CPED1: variants seen among roughly 807,000 people sequenced by gnomAD.
CPED1 encodes cadherin like and PC-esterase domain containing 1, also known as cadherin-like and PC-esterase domain-containing protein 1.
CPED1 carries 114 observed loss-of-function variants against 128.2 expected under a neutral mutation model. The ratio of observed to expected loss-of-function variants is 0.89; its 90% CI spans 0.76 to 1.04. The LOEUF (loss-of-function observed/expected upper bound fraction) is 1.04. Among genes scored for constraint, CPED1 ranks in the 50% least tolerant of loss-of-function variants. The pLI is 0.00. For missense variants in CPED1, 1,211 were observed against 1,207.1 expected, an observed-to-expected ratio of 1.00 and a Z score of -0.05; for synonymous variants, 462 against 426.7, an observed-to-expected ratio of 1.08 and a Z score of -1.02.
chr7:121,259,035 TG>T (rs1203561079), intron 18 of CPED1, among the ~76,000 whole-genome samples: 1 of 152,092 alleles, frequency 6.6e-6, no homozygotes, highest in Non-Finnish European at 1.5e-5. Flanking sequence ...AATAGTGCTC[TG>T]CTTTCTTTAG....
At chr7:121,020,228 CAT>C (rs1792404865) in intron 3 of CPED1, among the ~76,000 whole-genome samples, 1 of 151,982 alleles carries the variant, frequency 6.6e-6, no homozygotes, top group African/African-American at 2.4e-5. Context: ...GAGGGTTTAA[CAT>C]AGAATGTTTT....
intron 7 of CPED1, among the ~76,000 whole-genome samples, chr7:121,116,393 A>T (rs761380504): frequency 1.3e-5 from 2 of 152,258 alleles, no homozygotes; most frequent in African/African-American, 2.4e-5. Flanking sequence ...AAAACAAATG[A>T]TGAGAGTATT....
Position 121,075,263 on chromosome 7 carries a change from TA to T in CPED1, c.616+10951del, listed in dbSNP as rs1794095223. Among the ~76,000 whole-genome samples, 6 of 152,284 alleles carry T rather than the reference TA, an allele frequency of 3.9e-5. No homozygotes were observed. The South Asian group carries it at 1.2e-3, about 32-fold the overall frequency. ...GACAAATTGCTCAGGAGAAAATGAT[TA>T]GCATCACAAGTCATTTTAAGCAAAC... On this transcript the variant is annotated intron_variant, in intron 5 of 22. Transcript: ENST00000310396.
chr7:121,078,498 G>GAAAAAAAAAAAAAAAAAA (rs529856618), intron 5 of CPED1, among the ~76,000 whole-genome samples: 1 of 101,928 alleles, frequency 9.8e-6, no homozygotes, highest in Non-Finnish European at 1.9e-5. Context: ...AAGAAAGAAA[G>GAAAAAAAAAAAAAAAAAA]AAAAAAAAAA....
At chr7:121,255,843 A>G (rs1440507250) in intron 18 of CPED1, among the ~76,000 whole-genome samples, 2 of 152,050 alleles carry the variant, frequency 1.3e-5, no homozygotes, top group Non-Finnish European at 2.9e-5. Context: ...CTAGGAATAC[A>G]GATAAGCAAG....
At chr7:120,990,438 G>A (rs1796291713) in intron 2 of CPED1, among the ~76,000 whole-genome samples, 2 of 151,948 alleles carry the variant, frequency 1.3e-5, no homozygotes, top group African/African-American at 2.4e-5. Flanking sequence ...GTATTTTATT[G>A]TTTATAGGAT....
chr7:121,261,327 G>A (rs1792011626), intron 18 of CPED1, among the ~76,000 whole-genome samples: 1 of 152,056 alleles, frequency 6.6e-6, no homozygotes, highest in South Asian at 2.1e-4. Context: ...AAAGTAAAAT[G>A]TAGCCTTTCA....
chr7:121,026,385 C>T (rs1792581833), intron 3 of CPED1, among the ~76,000 whole-genome samples: 1 of 152,150 alleles, frequency 6.6e-6, no homozygotes, highest in South Asian at 2.1e-4. Context: ...CCTTTCCCTA[C>T]AGCTGCTTTG....
At chr7:121,000,716 T>G (rs1447281407) in intron 2 of CPED1, among the ~76,000 whole-genome samples, 1 of 152,248 alleles carries the variant, frequency 6.6e-6, no homozygotes, top group East Asian at 1.9e-4. Context: ...TCTTACAATC[T>G]TCAGCACAGC....
intron 5 of CPED1, among the ~76,000 whole-genome samples, chr7:121,073,003 T>G (rs1437631004): frequency 6.6e-6 from 1 of 152,236 alleles, no homozygotes; most frequent in East Asian, 1.9e-4. Flanking sequence ...TGTTGCACAG[T>G]TGACCCTTGA....
chr7:121,021,961 C>T (rs948861328), intron 3 of CPED1, among the ~76,000 whole-genome samples: 57 of 151,762 alleles, frequency 3.8e-4, no homozygotes, highest in African/African-American at 1.3e-3. Flanking sequence ...TTAGCCTTCT[C>T]GACTTATATG....
intron 18 of CPED1, chr7:121,261,515 T>G: frequency 1.4e-6 from 2 of 1,397,786 alleles, no homozygotes; most frequent in Non-Finnish European, 2.0e-6. Context: ...TCTCCTGACA[T>G]TAGGTATTTG....
At chr7:121,043,321 G>T (rs1428788577) in intron 3 of CPED1, among the ~76,000 whole-genome samples, 2 of 152,222 alleles carry the variant, frequency 1.3e-5, no homozygotes, top group Middle Eastern at 3.4e-3. Context: ...ACCCTAAGAG[G>T]CTAAGTTGCA....
intron 4 of CPED1, among the ~76,000 whole-genome samples, chr7:121,055,034 T>C (rs898385114): frequency 3.3e-5 from 5 of 152,248 alleles, no homozygotes; most frequent in African/African-American, 1.2e-4. Context: ...AATTAGCAGT[T>C]TATTCCTTCT....
At chr7:121,000,809 C>T (rs1427277257) in intron 2 of CPED1, among the ~76,000 whole-genome samples, 1 of 152,112 alleles carries the variant, frequency 6.6e-6, no homozygotes, top group Non-Finnish European at 1.5e-5. Context: ...GGTCCAAATT[C>T]CAGCTTTATC....
At chr7:121,261,641 G>C (rs10953934) in intron 18 of CPED1, 1 of 1,609,542 alleles carries the variant, frequency 6.2e-7, no homozygotes, top group South Asian at 1.1e-5. Flanking sequence ...GTTGGGTGTC[G>C]ATGTCCAGAG....
chr7:121,012,056 T>G (rs1792174138), intron 2 of CPED1, among the ~76,000 whole-genome samples: 2 of 152,220 alleles, frequency 1.3e-5, no homozygotes, highest in Non-Finnish European at 2.9e-5. Context: ...CTCTGATGTG[T>G]GTAGATTAAT....
At chr7:121,064,617 G>A (rs1421879472) in intron 5 of CPED1, among the ~76,000 whole-genome samples, 1 of 152,070 alleles carries the variant, frequency 6.6e-6, no homozygotes, top group Non-Finnish European at 1.5e-5. Context: ...AGTAATTACA[G>A]TAGTTCTCAG....
chr7:121,074,509 G>GTGTTTTTTTT (rs1246517373), intron 5 of CPED1, among the ~76,000 whole-genome samples: 3 of 80,838 alleles, frequency 3.7e-5, no homozygotes, highest in Non-Finnish European at 4.5e-5. Flanking sequence ...TTTCCTTTGT[G>GTGTTTTTTTT]TTTTTTTTTT....
Sources: allele counts gnomAD v4.1 joint callset (sites outside exome capture counted in the v4.1 genomes callset), GRCh38; gene constraint gnomAD v4.1.1; transcripts MANE v1.5; gene names NCBI Gene and HGNC (gene_info 2026-07-23, HGNC 2026-07-21).